LTA4H: variants seen among roughly 807,000 people sequenced by gnomAD.
LTA4H encodes leukotriene A4 hydrolase, also known as leukotriene A-4 hydrolase.
A neutral mutation model predicts 89.8 loss-of-function variants in LTA4H; 59 were observed. The ratio of observed to expected loss-of-function variants is 0.66; its 90% CI spans 0.53 to 0.82. The LOEUF (loss-of-function observed/expected upper bound fraction) is 0.82. Among genes scored for constraint, LTA4H ranks in the 40% least tolerant of loss-of-function variants. The pLI is 0.00. For missense variants in LTA4H, 617 were observed against 727.0 expected (o/e 0.85, Z 1.74); for synonymous variants, 227 against 253.1 (o/e 0.90, Z 0.98).
At chr12:96,012,964 C>T (rs1473263499) in intron 14 of LTA4H, 2 of 468,878 alleles carry the variant, frequency 4.3e-6, no homozygotes, top group Non-Finnish European at 3.8e-6. Flanking sequence ...CCTCACCATC[C>T]TTGTGCAGAA....
At chr12:96,003,191 T>G (rs1950137617) in intron 17 of LTA4H, 127 bp from the exon 18 acceptor site, 8 of 580,140 alleles carry the variant, frequency 1.4e-5, no homozygotes, top group Middle Eastern at 4.2e-4. Context: ...GTACACCACT[T>G]TATGGTATGT....
rs1362828672 is a variant in LTA4H, at chr12:96,019,904, T to TG, written c.639-665_639-664insC. Among the ~76,000 whole-genome samples, 40 of 149,124 alleles carry TG rather than the reference T, an allele frequency of 2.7e-4. No individual in the cohort carries two copies. The East Asian group carries it at 4.7e-3, about 18-fold the overall frequency. ...CGTGAGCCACCACGCCCAGCGTTTT[T>TG]TTTTTTTTTTTTTTTAAATATACAG... On this transcript the variant is annotated intron_variant, in intron 6 of 18. Coordinates refer to ENST00000228740, the MANE Select transcript of LTA4H (RefSeq NM_000895.3).
chr12:96,018,992 C>T (rs1950418640), intron 7 of LTA4H, 89 bp from the exon 8 acceptor site: 1 of 1,294,194 alleles, frequency 7.7e-7, no homozygotes, highest in Non-Finnish European at 1.1e-6. Context: ...ATGAAGGTTA[C>T]AAGTTAATGA....
At chr12:96,041,974 T>C (rs1950690435) in intron 1 of LTA4H, among the ~76,000 whole-genome samples, 1 of 136,298 alleles carries the variant, frequency 7.3e-6, no homozygotes, top group Non-Finnish European at 1.5e-5. Flanking sequence ...ACGTTTCTTT[T>C]TGTTTTTTTT....
chr12:96,015,327 T>C (rs561695130), intron 11 of LTA4H, among the ~76,000 whole-genome samples: 13 of 152,162 alleles, frequency 8.5e-5, no homozygotes, highest in Non-Finnish European at 1.9e-4. Flanking sequence ...GATGCAAACA[T>C]AGTAAACAGC....
intron 8 of LTA4H, 54 bp downstream of exon 8, chr12:96,018,709 T>C: frequency 2.1e-6 from 3 of 1,403,552 alleles, no homozygotes; most frequent in Non-Finnish European, 2.9e-6. Flanking sequence ...CTCCTAAGGT[T>C]CTTAAGTTTA....
chr12:96,041,171 T>A (rs934450262), intron 1 of LTA4H, among the ~76,000 whole-genome samples: 3 of 152,194 alleles, frequency 2.0e-5, no homozygotes, highest in Admixed American at 6.5e-5. Context: ...CAGTATATTA[T>A]AATATTATAT....
Position 96,013,743 on chromosome 12 carries a change from AT to A in LTA4H, c.1308+6del, listed in dbSNP as rs1216309781. The A allele has an allele frequency of 3.5e-6, 5 of 1,434,268 alleles. No homozygotes were observed. In the African/African-American group the frequency reaches 7.2e-5, roughly 21 times the overall value. 88.8% of individuals were successfully genotyped at this position (1,434,268 alleles called of 1,614,324 possible). The stretch of plus-strand genomic sequence containing the variant: ...CATGAAAAATAGAAAAGGTTTTTAA[AT>A]CCAACCTTATCTTTAAAATAGGAAT... On this transcript the variant is annotated splice_donor_region_variant and intron_variant, in intron 13 of 18. Transcript: ENST00000228740.
intron 3 of LTA4H, among the ~76,000 whole-genome samples, chr12:96,025,150 A>G (rs1247173353): frequency 6.6e-6 from 1 of 152,130 alleles, no homozygotes; most frequent in Non-Finnish European, 1.5e-5. Context: ...AACCTGAGAA[A>G]AAAGGGCTCT....
intron 5 of LTA4H, among the ~76,000 whole-genome samples, chr12:96,021,701 A>T (rs980453946): frequency 1.4e-5 from 2 of 146,748 alleles, no homozygotes; most frequent in Non-Finnish European, 3.0e-5. Context: ...ACACACACAC[A>T]CTCACGCATG....
At chr12:96,002,458 A>G (rs1211047220) in intron 18 of LTA4H, among the ~76,000 whole-genome samples, 1 of 152,222 alleles carries the variant, frequency 6.6e-6, no homozygotes, top group East Asian at 1.9e-4. Context: ...GACAAAATTC[A>G]TAAAGACCTT....
chr12:96,030,887 T>C (rs2247304), intron 1 of LTA4H, among the ~76,000 whole-genome samples: 26,513 of 152,190 alleles, frequency 0.17, 2,949 homozygotes, highest in Non-Finnish European at 0.26. Flanking sequence ...CATATTCTAG[T>C]ACCTCTCTAG....
intron 16 of LTA4H, among the ~76,000 whole-genome samples, chr12:96,004,943 C>T (rs1057322256): frequency 6.6e-6 from 1 of 152,096 alleles, no homozygotes; most frequent in African/African-American, 2.4e-5. Context: ...CATGATGACC[C>T]GATGCACTAA....
At chr12:96,028,850 T>C (rs1181954812) in intron 2 of LTA4H, among the ~76,000 whole-genome samples, 2 of 152,344 alleles carry the variant, frequency 1.3e-5, no homozygotes, top group East Asian at 1.9e-4. Context: ...TGTTGTATTA[T>C]ATACAAACAA....
chr12:96,008,812 G>A (rs762353290), intron 15 of LTA4H, among the ~76,000 whole-genome samples: 5 of 152,088 alleles, frequency 3.3e-5, no homozygotes, highest in Admixed American at 6.6e-5. Context: ...CCAGTTACTC[G>A]GGAGGCTGAG....
intron 9 of LTA4H, among the ~76,000 whole-genome samples, 160 bp from the exon 10 acceptor site, chr12:96,017,274 TACAC>T (rs748550783): frequency 6.6e-6 from 1 of 151,774 alleles, no homozygotes; most frequent in Non-Finnish European, 1.5e-5. Flanking sequence ...ACCAAAGACA[TACAC>T]ACACACACAA....
At chr12:96,024,164 C>T (rs184234361) in intron 4 of LTA4H, among the ~76,000 whole-genome samples, 149 of 152,188 alleles carry the variant, frequency 9.8e-4, no homozygotes, top group Non-Finnish European at 1.6e-3. Flanking sequence ...GATCTCCTGA[C>T]CTCGTGATCC....
intron 14 of LTA4H, chr12:96,012,792 G>A (rs549755526): frequency 2.6e-4 from 43 of 167,062 alleles, no homozygotes; most frequent in Non-Finnish European, 4.7e-4. Context: ...CTACTCACTA[G>A]CTGTGCAACC....
intron 10 of LTA4H, among the ~76,000 whole-genome samples, chr12:96,015,941 T>C (rs1223335501): frequency 1.3e-5 from 2 of 151,930 alleles, no homozygotes; most frequent in African/African-American, 4.8e-5. Context: ...AAAGTGGGAG[T>C]ATATCAGGAA....
Sources: gnomAD v4.1 joint callset for allele counts (sites outside exome capture counted in the v4.1 genomes callset) on GRCh38, gnomAD v4.1.1 for gene constraint, MANE v1.5 for transcripts, NCBI Gene and HGNC (gene_info 2026-07-23, HGNC 2026-07-21) for gene names.